Variants in RIT2 observed in about 807,000 individuals in gnomAD.
The protein encoded by RIT2 is Ras like without CAAX 2, also known as GTP-binding protein Rit2.
In RIT2, 24 loss-of-function variants were observed where a neutral mutation model predicts 23.7. The ratio of observed to expected loss-of-function variants is 1.01; its 90% CI spans 0.73 to 1.43. RIT2 has a LOEUF of 1.43. RIT2 is among the 40% of genes most tolerant of loss of function. RIT2 has a pLI of 0.00. For synonymous variants in RIT2, 107 were observed against 91.1 expected, an observed-to-expected ratio of 1.17 and a Z score of -0.99; for missense variants, 236 against 266.9, an observed-to-expected ratio of 0.88 and a Z score of 0.81.
At chr18:42,944,685 T>C (rs1909686330) in intron 3 of RIT2, among the ~76,000 whole-genome samples, 2 of 152,130 alleles carry the variant, frequency 1.3e-5, no homozygotes, top group Non-Finnish European at 1.5e-5. Flanking sequence ...TTGTTGATGA[T>C]GATGTTTTGT....
chr18:43,094,885 C>T (rs1046826852), intron 1 of RIT2, among the ~76,000 whole-genome samples: 32 of 143,820 alleles, frequency 2.2e-4, no homozygotes, highest in Non-Finnish European at 4.3e-4. Context: ...GCAAAGGACA[C>T]GAACTCATTT....
chr18:43,004,271 G>A (rs1598745101), intron 2 of RIT2, among the ~76,000 whole-genome samples: 1 of 151,766 alleles, frequency 6.6e-6, no homozygotes, highest in Admixed American at 6.6e-5. Flanking sequence ...CCCTACACCT[G>A]GATCAACATG....
intron 4 of RIT2, among the ~76,000 whole-genome samples, chr18:42,863,767 T>C (rs1439525958): frequency 6.6e-6 from 1 of 152,142 alleles, no homozygotes; most frequent in Non-Finnish European, 1.5e-5. Flanking sequence ...AAGCTTTGAA[T>C]ATGGCTACAG....
chr18:43,023,557 G>A (rs1354712042), intron 2 of RIT2, among the ~76,000 whole-genome samples: 1 of 152,030 alleles, frequency 6.6e-6, no homozygotes, highest in Non-Finnish European at 1.5e-5. Flanking sequence ...CATGGAAAAT[G>A]ATGTCATCAC....
At chr18:42,766,814 C>T (rs1053816996) in intron 4 of RIT2, among the ~76,000 whole-genome samples, 1 of 152,170 alleles carries the variant, frequency 6.6e-6, no homozygotes, top group East Asian at 1.9e-4. Context: ...ACTTGGTGCC[C>T]TGTGTCCCAG....
At chr18:42,926,730 T>A (rs962213133) in intron 3 of RIT2, among the ~76,000 whole-genome samples, 2 of 151,988 alleles carry the variant, frequency 1.3e-5, no homozygotes, top group Non-Finnish European at 2.9e-5. Flanking sequence ...AGGAATAACA[T>A]CTGATCTAAA....
chr18:42,769,215 C>A (rs1380297597), intron 4 of RIT2, among the ~76,000 whole-genome samples: 1 of 152,132 alleles, frequency 6.6e-6, no homozygotes, highest in Non-Finnish European at 1.5e-5. Context: ...GGCTCTGAGT[C>A]CACTTATACC....
At chr18:43,029,342 A>G (rs1166018901) in intron 2 of RIT2, among the ~76,000 whole-genome samples, 1 of 151,990 alleles carries the variant, frequency 6.6e-6, no homozygotes, top group African/African-American at 2.4e-5. Flanking sequence ...GTATAGTTGG[A>G]AACTTGTTGG....
At chr18:42,806,916 A>C (rs1033922105) in intron 4 of RIT2, among the ~76,000 whole-genome samples, 1 of 152,220 alleles carries the variant, frequency 6.6e-6, no homozygotes, top group African/African-American at 2.4e-5. Context: ...AGGATTTTCT[A>C]GGCTAGCGGG....
chr18:42,749,769 AATTCTAT>A (rs1257878811), intron 4 of RIT2, among the ~76,000 whole-genome samples: 5 of 151,842 alleles, frequency 3.3e-5, no homozygotes, highest in African/African-American at 1.2e-4. Flanking sequence ...CAAAAATAGA[AATTCTAT>A]ATTGTCCTAA....
chr18:43,034,898 T>A (rs2144285679), intron 1 of RIT2, among the ~76,000 whole-genome samples: 1 of 152,278 alleles, frequency 6.6e-6, no homozygotes, highest in East Asian at 1.9e-4. Flanking sequence ...GTGTAACCCC[T>A]CCCCTCTCAC....
intron 4 of RIT2, among the ~76,000 whole-genome samples, chr18:42,883,425 T>C (rs1299533728): frequency 6.6e-6 from 1 of 152,198 alleles, no homozygotes; most frequent in African/African-American, 2.4e-5. Flanking sequence ...TTATCATAAT[T>C]CATGTGTAAA....
At chr18:42,971,688 T>TAGAC (rs1910364098) in intron 3 of RIT2, among the ~76,000 whole-genome samples, 2 of 152,054 alleles carry the variant, frequency 1.3e-5, no homozygotes, top group African/African-American at 4.8e-5. Context: ...CATGTGTGGG[T>TAGAC]AGACTGGGCT....
At chr18:43,026,677 TC>T (rs1232605827) in intron 2 of RIT2, among the ~76,000 whole-genome samples, 1 of 150,100 alleles carries the variant, frequency 6.7e-6, no homozygotes, top group Non-Finnish European at 1.5e-5. Flanking sequence ...AGTTTTTCTT[TC>T]TTTTTTTTTT....
At chr18:43,054,820 C>T (rs546109541) in intron 1 of RIT2, among the ~76,000 whole-genome samples, 1 of 152,204 alleles carries the variant, frequency 6.6e-6, no homozygotes, top group Non-Finnish European at 1.5e-5. Flanking sequence ...CTCACAGATT[C>T]TGTTACTCCC....
intron 3 of RIT2, among the ~76,000 whole-genome samples, chr18:42,964,743 T>C (rs984269260): frequency 5.9e-5 from 9 of 152,192 alleles, no homozygotes; most frequent in Non-Finnish European, 1.3e-4. Flanking sequence ...TCCTCAACTT[T>C]GGCAAATAAA....
At chr18:42,883,331 A>G (rs1160063002) in intron 4 of RIT2, among the ~76,000 whole-genome samples, 1 of 152,178 alleles carries the variant, frequency 6.6e-6, no homozygotes, top group Non-Finnish European at 1.5e-5. Context: ...CACAGTGCAC[A>G]ATGTCATTGT....
intron 1 of RIT2, among the ~76,000 whole-genome samples, chr18:43,090,453 C>T (rs1048110883): frequency 2.0e-5 from 3 of 152,084 alleles, no homozygotes; most frequent in African/African-American, 4.8e-5. Flanking sequence ...ATGTGGAAGA[C>T]AGTGTGGCAA....
intron 4 of RIT2, among the ~76,000 whole-genome samples, chr18:42,745,731 AT>A (rs2143873609): frequency 6.6e-6 from 1 of 152,234 alleles, no homozygotes; most frequent in East Asian, 1.9e-4. Flanking sequence ...AACTTCCCTG[AT>A]TTTCAAGTTA....
Sources: gnomAD v4.1 joint callset for allele counts (sites outside exome capture counted in the v4.1 genomes callset) on GRCh38, gnomAD v4.1.1 for gene constraint, MANE v1.5 for transcripts, NCBI Gene and HGNC (gene_info 2026-07-23, HGNC 2026-07-21) for gene names.